The following RBFOX1 variants were observed in gnomAD, a reference collection of about 807,000 sequenced individuals.
RBFOX1 encodes the protein RNA binding fox-1 homolog 1.
In RBFOX1, 8 loss-of-function variants were observed where a neutral mutation model predicts 57.7. That is an observed-to-expected ratio of 0.14 (90% CI 0.08 to 0.25). The LOEUF (loss-of-function observed/expected upper bound fraction) is 0.25. RBFOX1 is among the 10% of genes least tolerant of loss of function. The probability of loss-of-function intolerance (pLI) is 1.00; values close to 1 mark genes in which losing one functional copy is unlikely to be tolerated. For missense variants in RBFOX1, 611 were observed against 548.5 expected (o/e 1.11, Z -1.14); for synonymous variants, 326 against 222.4 (o/e 1.47, Z -4.15).
At chr16:7,091,731 C>T (rs942030698) in intron 4 of RBFOX1, among the ~76,000 whole-genome samples, 1 of 152,150 alleles carries the variant, frequency 6.6e-6, no homozygotes, top group South Asian at 2.1e-4. Flanking sequence ...GGGGGAGCCT[C>T]CTCTGAATTC....
At chr16:6,466,242 A>AG (rs1425171396) in intron 2 of RBFOX1, among the ~76,000 whole-genome samples, 1 of 151,946 alleles carries the variant, frequency 6.6e-6, no homozygotes, top group Non-Finnish European at 1.5e-5. Context: ...AAAAAAAAAA[A>AG]AGGATTAAGG....
chr16:6,761,709 C>A (rs1317218067), intron 3 of RBFOX1, among the ~76,000 whole-genome samples: 23 of 151,526 alleles, frequency 1.5e-4, no homozygotes, highest in African/African-American at 5.6e-4. Context: ...GTTTCACGAA[C>A]TTGGCCAGGC....
intron 3 of RBFOX1, among the ~76,000 whole-genome samples, chr16:7,021,779 C>G (rs1365963442): frequency 6.6e-6 from 1 of 150,830 alleles, no homozygotes; most frequent in Non-Finnish European, 1.5e-5. Flanking sequence ...TGAGCATGTA[C>G]TATATACCAG....
At chr16:5,667,814 G>C (rs1412152830) in intron 3 of RBFOX1, among the ~76,000 whole-genome samples, 1 of 152,122 alleles carries the variant, frequency 6.6e-6, no homozygotes, top group Non-Finnish European at 1.5e-5. Context: ...CATCTCCCCA[G>C]GTTCACCAAG....
At chr16:7,234,029 C>T (rs1036441683) in intron 4 of RBFOX1, among the ~76,000 whole-genome samples, 1 of 152,120 alleles carries the variant, frequency 6.6e-6, no homozygotes, top group Non-Finnish European at 1.5e-5. Context: ...GAGACAACAT[C>T]AAGGAGTTAC....
intron 2 of RBFOX1, among the ~76,000 whole-genome samples, chr16:6,489,977 CTT>C (rs939361137): frequency 6.6e-6 from 1 of 152,174 alleles, no homozygotes; most frequent in African/African-American, 2.4e-5. Flanking sequence ...AAACTTAAGT[CTT>C]TGCTTTCTGA....
chr16:6,959,484 G>A (rs1231482588), intron 3 of RBFOX1, among the ~76,000 whole-genome samples: 1 of 152,012 alleles, frequency 6.6e-6, no homozygotes, highest in Non-Finnish European at 1.5e-5. Context: ...GATCTCAAGG[G>A]AGTATCTTTT....
chr16:7,523,594 G>A (rs771174383), intron 5 of RBFOX1, among the ~76,000 whole-genome samples: 1 of 152,152 alleles, frequency 6.6e-6, no homozygotes, highest in Non-Finnish European at 1.5e-5. Context: ...ATGTTTGGAT[G>A]GTACACACTC....
At chr16:7,575,288 C>T (rs1026359937) in intron 5 of RBFOX1, among the ~76,000 whole-genome samples, 2 of 152,184 alleles carry the variant, frequency 1.3e-5, no homozygotes, top group Admixed American at 6.5e-5. Context: ...GTGCGCGCTA[C>T]CCCACCTGGC....
chr16:5,531,450 A>G (rs1476402698), intron 2 of RBFOX1, among the ~76,000 whole-genome samples: 1 of 152,226 alleles, frequency 6.6e-6, no homozygotes, highest in African/African-American at 2.4e-5. Flanking sequence ...TAATAGAACT[A>G]GCTTCTTTCT....
At chr16:5,415,878 C>T (rs1238915233) in intron 1 of RBFOX1, among the ~76,000 whole-genome samples, 4 of 152,110 alleles carry the variant, frequency 2.6e-5, no homozygotes, top group Non-Finnish European at 4.4e-5. Context: ...GCCGGTTTCC[C>T]AGGGCAAAGG....
chr16:5,627,115 C>G (rs1010678873), intron 3 of RBFOX1, among the ~76,000 whole-genome samples: 1 of 152,118 alleles, frequency 6.6e-6, no homozygotes, highest in African/African-American at 2.4e-5. Context: ...TAAACTTTTT[C>G]TTTTTACTTA....
chr16:5,821,050 C>G (rs1377001968), intron 3 of RBFOX1, among the ~76,000 whole-genome samples: 1 of 152,088 alleles, frequency 6.6e-6, no homozygotes, highest in Non-Finnish European at 1.5e-5. Context: ...CTTTCCTTCC[C>G]TAGACATGCT....
intron 2 of RBFOX1, among the ~76,000 whole-genome samples, chr16:6,642,548 G>C (rs1363258882): frequency 6.6e-6 from 1 of 151,764 alleles, no homozygotes; most frequent in Non-Finnish European, 1.5e-5. Flanking sequence ...TGTCTGCATG[G>C]CTAGATTTTG....
intron 3 of RBFOX1, among the ~76,000 whole-genome samples, chr16:6,762,057 C>A (rs1488047714): frequency 6.6e-6 from 1 of 151,648 alleles, no homozygotes; most frequent in Non-Finnish European, 1.5e-5. Context: ...AAGGATTTCT[C>A]TGGAGCCTGA....
intron 2 of RBFOX1, among the ~76,000 whole-genome samples, chr16:6,551,945 A>G (rs1051027995): frequency 1.3e-5 from 2 of 152,142 alleles, no homozygotes; most frequent in African/African-American, 4.8e-5. Flanking sequence ...AGTTATTTGG[A>G]TTTCAGAAGG....
intron 4 of RBFOX1, among the ~76,000 whole-genome samples, chr16:7,248,017 G>C (rs761379577): frequency 1.3e-5 from 2 of 152,096 alleles, no homozygotes; most frequent in African/African-American, 4.8e-5. Context: ...TAACAAACCT[G>C]CACATGTACC....
intron 3 of RBFOX1, among the ~76,000 whole-genome samples, chr16:6,946,300 T>A (rs377572319): frequency 3.3e-5 from 5 of 152,238 alleles, no homozygotes; most frequent in Admixed American, 6.5e-5. Flanking sequence ...GGTGTGGCTG[T>A]GTTCCAATAA....
At chr16:5,287,565 C>A (rs572957078) in intron 1 of RBFOX1, among the ~76,000 whole-genome samples, 2 of 152,134 alleles carry the variant, frequency 1.3e-5, no homozygotes, top group African/African-American at 4.8e-5. Context: ...ATACAACAAT[C>A]GTTTATTTTC....
Sources: gnomAD v4.1 joint callset for allele counts (sites outside exome capture counted in the v4.1 genomes callset) on GRCh38, gnomAD v4.1.1 for gene constraint, MANE v1.5 for transcripts, NCBI Gene and HGNC (gene_info 2026-07-23, HGNC 2026-07-21) for gene names.